The following RFTN1 variants were observed in gnomAD, a reference collection of about 807,000 sequenced individuals.
RFTN1 encodes the protein raftlin, lipid raft linker 1, also known as raftlin.
In RFTN1, 26 loss-of-function variants were observed where a neutral mutation model predicts 46.5. That is an observed-to-expected ratio of 0.56 (90% CI 0.41 to 0.78). The LOEUF is 0.78. Ranked by LOEUF, RFTN1 falls within the 30% of genes least tolerant of loss-of-function variation. The pLI, the probability that RFTN1 is intolerant of heterozygous loss-of-function variation, is 0.00. For synonymous variants in RFTN1, 261 were observed against 284.2 expected (o/e 0.92, Z 0.82); for missense variants, 693 against 718.7 (o/e 0.96, Z 0.41).
chr3:16,409,520 A>G (rs776130192), intron 3 of RFTN1, 37 bp from the exon 4 acceptor site: 1 of 1,390,610 alleles, frequency 7.2e-7, no homozygotes, highest in Non-Finnish European at 1.0e-6. Flanking sequence ...AAACAGATTA[A>G]TATCTTGCAT....
intron 3 of RFTN1, among the ~76,000 whole-genome samples, chr3:16,423,425 T>C (rs1307262454): frequency 1.3e-5 from 2 of 152,150 alleles, no homozygotes; most frequent in East Asian, 3.9e-4. Flanking sequence ...AATTCTATCC[T>C]TACCTACCTT....
rs1025341010 is a variant in RFTN1 at position 16,424,076 on chromosome 3, G to C, written c.332+9775C>G. Among the ~76,000 whole-genome samples the C allele has an allele frequency of 3.3e-5, 5 of 152,128 alleles. No individual in the cohort carries two copies. Among genetic ancestry groups the C allele is most frequent in the Non-Finnish European group, 7.4e-5 (5 of 68,026 alleles). On this transcript the variant is annotated intron_variant, in intron 3 of 9. Transcript: ENST00000334133. This position sits in a 1 kb window ranked among gnomAD's most constrained non-coding sequence, Gnocchi z 4.7. ...GCCCTATGTTCTGAAACCAGCTGGG[G>C]AATTAGCAAAGCTTCTGGTCCCACA...
At chr3:16,430,809 G>A (rs2075370000) in intron 3 of RFTN1, among the ~76,000 whole-genome samples, 2 of 152,242 alleles carry the variant, frequency 1.3e-5, no homozygotes, top group South Asian at 2.1e-4. Context: ...CAAGGAGACT[G>A]CCAACTTCCC....
chr3:16,426,213 G>A lies in RFTN1; in HGVS notation c.332+7638C>T, dbSNP rs975358489. Among the ~76,000 whole-genome samples the A allele has an allele frequency of 2.6e-5, 4 of 152,214 alleles. No homozygotes were observed. The highest frequency in any genetic ancestry group is 9.6e-5 in the African/African-American group (4 of 41,524). Reference sequence around the variant, plus strand: ...CAGCGCACTCTAGGGCTGATCCTCGGCCTCGCGTGTGAACATTTTCTAGGG... The same window carrying A: ...CAGCGCACTCTAGGGCTGATCCTCGACCTCGCGTGTGAACATTTTCTAGGG... On this transcript the variant is annotated intron_variant, in intron 3 of 9. Coordinates refer to ENST00000334133, the MANE Select transcript of RFTN1 (RefSeq NM_015150.2). The surrounding 1 kb of genome is among the most constrained non-coding windows in gnomAD (Gnocchi z 5.9).
chr3:16,401,342 C>T (rs1230625858), intron 4 of RFTN1, among the ~76,000 whole-genome samples: 4 of 148,138 alleles, frequency 2.7e-5, no homozygotes, highest in African/African-American at 5.0e-5. Context: ...AAAAAAAAGA[C>T]GGGGTGGGGA....
At position 16,381,542 on chromosome 3, in the gene RFTN1, A is replaced by C. The variant is rs1421034873; in HGVS notation, c.442-3440T>G. Among the ~76,000 whole-genome samples, 1 of 151,730 alleles carries C rather than the reference A, an allele frequency of 6.6e-6. No homozygotes were observed. The highest frequency in any genetic ancestry group is 1.5e-5 in the Non-Finnish European group (1 of 67,808). On this transcript the variant is annotated intron_variant, in intron 4 of 9. Transcript: ENST00000334133. The surrounding 1 kb of genome is among the most constrained non-coding windows in gnomAD (Gnocchi z 4.2). ...GAGCATGCATGCCTCACCTTAAAGC[A>C]TTCAAATCCAATTTTTTTTTTCCAA...
In RFTN1 at chr3:16,335,027, T is replaced by G. The variant is rs557152672; in HGVS notation, c.1147-8151A>C. On this transcript the variant is annotated intron_variant, in intron 7 of 9. Transcript: ENST00000334133. The surrounding 1 kb of genome is among the most constrained non-coding windows in gnomAD (Gnocchi z 4.7). ...GGTAACAGATTGTCTCCTAAAAGTC[T>G]CCACAAAGAATGTGGTCCTGTCAAC... is the stretch of plus-strand genomic sequence containing the variant. 1.5e-4 allele frequency among the ~76,000 whole-genome samples: 23 copies of G among 152,320 alleles called. No homozygotes were observed. The highest frequency in any genetic ancestry group is 5.3e-4 in the African/African-American group (22 of 41,558).
intron 7 of RFTN1, among the ~76,000 whole-genome samples, chr3:16,343,429 C>G (rs1388330682): frequency 1.3e-5 from 2 of 152,216 alleles, no homozygotes; most frequent in South Asian, 2.1e-4. Context: ...AGCCAGCTAC[C>G]TGATTACCCT....
Position 16,317,988 on chromosome 3 carries a change from T to C in RFTN1, c.1333-756A>G, listed in dbSNP as rs766426021. 3.9e-5 allele frequency among the ~76,000 whole-genome samples: 6 copies of C among 152,154 alleles called. No homozygotes were observed. The highest frequency in any genetic ancestry group is 8.8e-5 in the Non-Finnish European group (6 of 68,028). ...TACTGTACCGACAAGTGTTCTAAGG[T>C]AACTCCCTCTAAAAACTTCCAATCT... On this transcript the variant is annotated intron_variant, in intron 9 of 9. Coordinates refer to ENST00000334133, the MANE Select transcript of RFTN1 (RefSeq NM_015150.2). The surrounding 1 kb of genome is among the most constrained non-coding windows in gnomAD (Gnocchi z 4.3).
At chr3:16,325,615 C>T (rs541299) in intron 8 of RFTN1, among the ~76,000 whole-genome samples, 90,199 of 151,928 alleles carry the variant, frequency 0.59, 27,060 homozygotes, top group African/African-American at 0.69. Context: ...TCTTTCTACA[C>T]CACTGCATTG....
Position 16,473,861 on chromosome 3 carries a change from G to A in RFTN1, c.145+19864C>T, listed in dbSNP as rs1402412604. Among the ~76,000 whole-genome samples the A allele has an allele frequency of 1.3e-5, 2 of 152,104 alleles. No individual in the cohort carries two copies. The highest frequency in any genetic ancestry group is 2.4e-5 in the African/African-American group (1 of 41,414). Reference sequence around the variant, plus strand: ...CTAGAAGCACGAAACCTACCTCTCCGGGCTGCCCTCGCCCTTGTGAACACT... The same window carrying A: ...CTAGAAGCACGAAACCTACCTCTCCAGGCTGCCCTCGCCCTTGTGAACACT... On this transcript the variant is annotated intron_variant, in intron 2 of 9. Coordinates refer to ENST00000334133, the MANE Select transcript of RFTN1 (RefSeq NM_015150.2). The surrounding 1 kb of genome is among the most constrained non-coding windows in gnomAD (Gnocchi z 5.3).
In RFTN1 at chr3:16,341,756, A is replaced by C. The variant is rs1429898365; in HGVS notation, c.1147-14880T>G. Among the ~76,000 whole-genome samples, 1 of 152,242 alleles carries C rather than the reference A, an allele frequency of 6.6e-6. No homozygotes were observed. Among genetic ancestry groups the C allele is most frequent in the African/African-American group, 2.4e-5 (1 of 41,464 alleles). ...TAAATTAAAATTTTTCATAGATTGA[A>C]GTACTCTATGGCCATTACAAATAAT... On this transcript the variant is annotated intron_variant, in intron 7 of 9. Coordinates refer to ENST00000334133, the MANE Select transcript of RFTN1 (RefSeq NM_015150.2). The surrounding 1 kb of genome is among the most constrained non-coding windows in gnomAD (Gnocchi z 4.7).
chr3:16,319,017 G>A lies in RFTN1; in HGVS notation c.1333-1785C>T, dbSNP rs913435770. On this transcript the variant is annotated intron_variant, in intron 9 of 9. Coordinates refer to ENST00000334133, the MANE Select transcript of RFTN1 (RefSeq NM_015150.2). ...TGATTTTAGCCCTCAGCATGACCGT[G>A]GCTGCCTCCACCAAGCCTCCATAGT... Among the ~76,000 whole-genome samples the A allele has an allele frequency of 3.3e-5, 5 of 152,174 alleles. No homozygotes were observed. In the East Asian group the frequency reaches 7.7e-4, roughly 23 times the overall value.
At position 16,327,965 on chromosome 3, in the gene RFTN1, G is replaced by A. The variant is rs1044272876; in HGVS notation, c.1147-1089C>T. Among the ~76,000 whole-genome samples, 1 of 152,214 alleles carries A rather than the reference G, an allele frequency of 6.6e-6. No individual in the cohort carries two copies. The highest frequency in any genetic ancestry group is 2.4e-5 in the African/African-American group (1 of 41,444). On this transcript the variant is annotated intron_variant, in intron 7 of 9. Transcript: ENST00000334133. This position sits in a 1 kb window ranked among gnomAD's most constrained non-coding sequence, Gnocchi z 4.2. ...GTAACTGGACTCCTCATCCCTCATA[G>A]TTTGGCTTCTTGTAGTTGGCTTCCG...
rs2075990728 is a variant in RFTN1, at chr3:16,460,556, AC to A, written c.146-26520del. Among the ~76,000 whole-genome samples, 1 of 152,114 alleles carries A rather than the reference AC, an allele frequency of 6.6e-6. No homozygotes were observed. The highest frequency in any genetic ancestry group is 1.5e-5 in the Non-Finnish European group (1 of 68,018). ...TCAACAACCAACGCCGCTGTCCAAA[AC>A]CAAAACCTCACATTTCAAGCAGAGG... is the stretch of plus-strand genomic sequence containing the variant. On this transcript the variant is annotated intron_variant, in intron 2 of 9. Transcript: ENST00000334133. This position sits in a 1 kb window ranked among gnomAD's most constrained non-coding sequence, Gnocchi z 4.8.
At chr3:16,330,132 A>T (rs2070162727) in intron 7 of RFTN1, among the ~76,000 whole-genome samples, 1 of 152,238 alleles carries the variant, frequency 6.6e-6, no homozygotes, top group South Asian at 2.1e-4. Context: ...AAGGGAAAAC[A>T]CAACAAAACA....
chr3:16,373,487 G>A lies in RFTN1; in HGVS notation c.827-3208C>T, dbSNP rs537809329. 5.9e-5 allele frequency among the ~76,000 whole-genome samples: 9 copies of A among 152,362 alleles called. No homozygotes were observed. The South Asian group carries it at 1.7e-3, about 28-fold the overall frequency. ...GCTACTAGGGAGTGGGGAGGAAAGA[G>A]GCAGCTGTCCAGCCCTGAGGTCTGT... On this transcript the variant is annotated intron_variant, in intron 5 of 9. Coordinates refer to ENST00000334133, the MANE Select transcript of RFTN1 (RefSeq NM_015150.2).
At chr3:16,488,049 C>T (rs918333745) in intron 2 of RFTN1, among the ~76,000 whole-genome samples, 6 of 151,926 alleles carry the variant, frequency 3.9e-5, no homozygotes, top group African/African-American at 1.5e-4. Flanking sequence ...TCAACAACAG[C>T]ACTGAGCTTT....
intron 2 of RFTN1, among the ~76,000 whole-genome samples, chr3:16,436,424 C>A (rs2075517663): frequency 6.6e-6 from 1 of 151,394 alleles, no homozygotes; most frequent in African/African-American, 2.4e-5. Flanking sequence ...TGGTGCTATC[C>A]CCGCTCACTG....
Sources: allele counts gnomAD v4.1 joint callset (sites outside exome capture counted in the v4.1 genomes callset), GRCh38; gene constraint gnomAD v4.1.1; non-coding constraint Gnocchi (gnomAD v3.1); transcripts MANE v1.5; gene names NCBI Gene and HGNC (gene_info 2026-07-23, HGNC 2026-07-21).